The following STXBP6 variants were observed in gnomAD, a reference collection of about 807,000 sequenced individuals.
STXBP6 encodes syntaxin binding protein 6, also known as syntaxin-binding protein 6.
In STXBP6, 21 loss-of-function variants were observed where a neutral mutation model predicts 26.9. That is an observed-to-expected ratio of 0.78 (90% confidence interval 0.55 to 1.12). The LOEUF is 1.12. STXBP6 is among the 50% of genes most tolerant of loss of function. The pLI is 0.00. For missense variants in STXBP6, 232 were observed against 257.9 expected (o/e 0.90, Z 0.69); for synonymous variants, 97 against 92.6 (o/e 1.05, Z -0.27).
chr14:24,974,862 G>T lies in STXBP6; in HGVS notation c.-32-12C>A. The T allele has an allele frequency of 6.7e-7, 1 of 1,489,376 alleles. No individual in the cohort carries two copies. Among genetic ancestry groups the T allele is most frequent in the Non-Finnish European group, 9.0e-7 (1 of 1,108,312 alleles). The allele number at this position is 1,489,376 out of a possible 1,614,324, so 92.3% of individuals were successfully genotyped here. A position where few individuals can be genotyped will look rare whatever the true frequency, so the allele number is the denominator to read the frequency against. ...AGCACGCAGTGAATCTTTTAAAGAA[G>T]GAAAAGAAAGGAAAGTTGGAATTGA... On this transcript the variant is annotated splice_polypyrimidine_tract_variant and intron_variant, in intron 1 of 5. Coordinates refer to ENST00000323944, the MANE Select transcript of STXBP6 (RefSeq NM_001394410.1).
intron 1 of STXBP6, among the ~76,000 whole-genome samples, chr14:25,004,459 G>A (rs567986414): frequency 6.6e-6 from 1 of 152,178 alleles, no homozygotes; most frequent in African/African-American, 2.4e-5. Context: ...ACTAAGCATG[G>A]GTGTGTACTG....
At chr14:24,918,119 T>A (rs1046965958) in intron 2 of STXBP6, among the ~76,000 whole-genome samples, 2 of 151,998 alleles carry the variant, frequency 1.3e-5, no homozygotes, top group Admixed American at 6.6e-5. Flanking sequence ...GGAGGTTGTA[T>A]CTAATAATAG....
intron 2 of STXBP6, among the ~76,000 whole-genome samples, chr14:24,944,494 T>C (rs1369616465): frequency 3.3e-5 from 5 of 152,156 alleles, no homozygotes; most frequent in African/African-American, 4.8e-5. Context: ...TGGTAGTTCA[T>C]AGTGTTCACC....
intron 4 of STXBP6, among the ~76,000 whole-genome samples, chr14:24,823,444 G>T (rs1006739399): frequency 3.9e-5 from 6 of 152,048 alleles, no homozygotes; most frequent in Non-Finnish European, 8.8e-5. Flanking sequence ...ACACATCAGG[G>T]TGTATCTTGG....
chr14:24,852,982 T>C (rs1009747961), intron 4 of STXBP6, among the ~76,000 whole-genome samples: 2 of 152,146 alleles, frequency 1.3e-5, no homozygotes, highest in Admixed American at 6.6e-5. Context: ...CTCTATAAAA[T>C]GGAGTTGATA....
chr14:24,873,960 G>A (rs1409274901), intron 2 of STXBP6, among the ~76,000 whole-genome samples: 2 of 152,140 alleles, frequency 1.3e-5, no homozygotes, highest in South Asian at 4.2e-4. Context: ...GCCTTCTTTT[G>A]CTGATGTGCA....
intron 4 of STXBP6, among the ~76,000 whole-genome samples, chr14:24,836,526 G>T (rs2068619736): frequency 6.7e-6 from 1 of 148,416 alleles, no homozygotes. Flanking sequence ...TTGAACCCAG[G>T]GGGCAGAGGT....
intron 4 of STXBP6, among the ~76,000 whole-genome samples, chr14:24,852,696 C>T (rs854321): frequency 0.24 from 36,008 of 152,022 alleles, 4,642 homozygotes; most frequent in East Asian, 0.55. Flanking sequence ...TGGGACAAAA[C>T]TAGGAAAAAA....
At chr14:24,823,199 T>C (rs1223982768) in intron 4 of STXBP6, among the ~76,000 whole-genome samples, 1 of 152,176 alleles carries the variant, frequency 6.6e-6, no homozygotes, top group Non-Finnish European at 1.5e-5. Context: ...CGCTGACATC[T>C]TTTATGTTAA....
intron 4 of STXBP6, among the ~76,000 whole-genome samples, chr14:24,828,581 C>T (rs854393): frequency 0.24 from 36,946 of 151,984 alleles, 5,173 homozygotes; most frequent in Non-Finnish European, 0.32. Context: ...CAGAAAACTA[C>T]GAGTAAGCCA....
At chr14:24,933,996 A>C (rs568297689) in intron 2 of STXBP6, among the ~76,000 whole-genome samples, 277 of 152,286 alleles carry the variant, frequency 1.8e-3, no homozygotes, top group Non-Finnish European at 3.3e-3. Context: ...TGAGAAAAAG[A>C]CAAAAATAAT....
intron 1 of STXBP6, among the ~76,000 whole-genome samples, chr14:25,037,402 A>G (rs951517743): frequency 1.3e-5 from 2 of 152,166 alleles, no homozygotes; most frequent in Non-Finnish European, 2.9e-5. Context: ...TGACTTTTAA[A>G]TCATGTTCTC....
At chr14:24,893,491 T>C (rs973334827) in intron 2 of STXBP6, among the ~76,000 whole-genome samples, 3 of 152,204 alleles carry the variant, frequency 2.0e-5, no homozygotes, top group Non-Finnish European at 4.4e-5. Flanking sequence ...AGTGCTGTCT[T>C]GCTCAGTTGG....
At chr14:24,847,333 C>A (rs1018345688) in intron 4 of STXBP6, among the ~76,000 whole-genome samples, 3 of 152,092 alleles carry the variant, frequency 2.0e-5, no homozygotes, top group Non-Finnish European at 4.4e-5. Context: ...GAAATAAGCA[C>A]AATGAAGTAA....
intron 5 of STXBP6, chr14:24,816,844 A>T (rs2067993423): frequency 6.6e-6 from 1 of 152,086 alleles, no homozygotes; most frequent in South Asian, 2.1e-4. Context: ...TGTGTTGAGG[A>T]TCCTCAATCA....
At chr14:24,838,252 C>G (rs192362502) in intron 4 of STXBP6, among the ~76,000 whole-genome samples, 1 of 152,300 alleles carries the variant, frequency 6.6e-6, no homozygotes, top group Admixed American at 6.5e-5. Flanking sequence ...CTCAAGCAAT[C>G]TACCCAACTC....
At chr14:24,941,053 C>A (rs1235823022) in intron 2 of STXBP6, among the ~76,000 whole-genome samples, 4 of 152,040 alleles carry the variant, frequency 2.6e-5, no homozygotes, top group Non-Finnish European at 5.9e-5. Context: ...AACAAGCAAT[C>A]ATGCAGGGAG....
intron 4 of STXBP6, among the ~76,000 whole-genome samples, chr14:24,820,055 T>C (rs749607850): frequency 6.6e-6 from 1 of 152,172 alleles, no homozygotes; most frequent in African/African-American, 2.4e-5. Context: ...AATTCAATAG[T>C]GAAGAACTTG....
Position 24,873,053 on chromosome 14 carries a change from TA to T in STXBP6, c.155-15897del, listed in dbSNP as rs2069997630. ...TAGGTTAAGCTGTTTTTGTACATCT[TA>T]TTCATTCTATTCATTTGCTTGGGAA... is the stretch of plus-strand genomic sequence containing the variant. On this transcript the variant is annotated intron_variant, in intron 2 of 5. Coordinates refer to ENST00000323944, the MANE Select transcript of STXBP6 (RefSeq NM_001394410.1). Among the ~76,000 whole-genome samples the T allele has an allele frequency of 2.6e-5, 4 of 152,306 alleles. No individual in the cohort carries two copies. In the South Asian group the frequency reaches 8.3e-4, roughly 32 times the overall value.
Sources: gnomAD v4.1 joint callset for allele counts (sites outside exome capture counted in the v4.1 genomes callset) on GRCh38, gnomAD v4.1.1 for gene constraint, MANE v1.5 for transcripts, NCBI Gene and HGNC (gene_info 2026-07-23, HGNC 2026-07-21) for gene names.